The following GABRG3 variants were observed in gnomAD, a reference collection of about 807,000 sequenced individuals.
The protein encoded by GABRG3 is gamma-aminobutyric acid receptor subunit gamma-3.
In GABRG3, 25 loss-of-function variants were observed where a neutral mutation model predicts 48.8. That is an observed-to-expected ratio of 0.51 (90% CI 0.37 to 0.72). GABRG3 has a LOEUF of 0.72. Ranked by LOEUF, GABRG3 falls within the 30% of genes least tolerant of loss-of-function variation. GABRG3 has a pLI of 0.00. For missense variants in GABRG3, 394 were observed against 577.9 expected, an observed-to-expected ratio of 0.68 and a Z score of 3.26; for synonymous variants, 227 against 217.6, an observed-to-expected ratio of 1.04 and a Z score of -0.38.
chr15:27,022,673 C>T (rs958540392), intron 2 of GABRG3, among the ~76,000 whole-genome samples: 4 of 152,166 alleles, frequency 2.6e-5, no homozygotes, highest in Non-Finnish European at 5.9e-5. Context: ...GTTTTTGGTA[C>T]GTGGCTCTAG....
At chr15:27,466,464 G>A (rs543518572) in intron 5 of GABRG3, among the ~76,000 whole-genome samples, 1 of 121,288 alleles carries the variant, frequency 8.2e-6, no homozygotes, top group East Asian at 2.7e-4. Context: ...TTCCAAAGCA[G>A]AACTTATTTC....
chr15:27,020,131 G>A (rs1222499169), intron 2 of GABRG3, among the ~76,000 whole-genome samples: 1 of 152,122 alleles, frequency 6.6e-6, no homozygotes, highest in Admixed American at 6.5e-5. Flanking sequence ...GAGGCACAGA[G>A]ATCTGAAGAA....
At chr15:27,233,954 G>C (rs1889880106) in intron 3 of GABRG3, among the ~76,000 whole-genome samples, 1 of 152,098 alleles carries the variant, frequency 6.6e-6, no homozygotes, top group Non-Finnish European at 1.5e-5. Context: ...TTTACAATAT[G>C]ACATTTTTTC....
chr15:27,511,546 T>A (rs1890895039), intron 6 of GABRG3, among the ~76,000 whole-genome samples: 1 of 152,198 alleles, frequency 6.6e-6, no homozygotes, highest in Admixed American at 6.5e-5. Flanking sequence ...CACACTGATA[T>A]ACTGCTCAAC....
At chr15:26,994,468 G>A (rs1263407239) in intron 2 of GABRG3, among the ~76,000 whole-genome samples, 1 of 151,764 alleles carries the variant, frequency 6.6e-6, no homozygotes, top group Non-Finnish European at 1.5e-5. Context: ...GCATGCAAAA[G>A]GAAAACTAAT....
At chr15:27,252,258 A>T (rs1370191019) in intron 3 of GABRG3, among the ~76,000 whole-genome samples, 2 of 152,122 alleles carry the variant, frequency 1.3e-5, no homozygotes, top group African/African-American at 4.8e-5. Flanking sequence ...CTCTGTGTCC[A>T]TGATGCCCTG....
At chr15:27,358,731 A>G (rs1158070125) in intron 5 of GABRG3, among the ~76,000 whole-genome samples, 1 of 152,214 alleles carries the variant, frequency 6.6e-6, no homozygotes, top group Non-Finnish European at 1.5e-5. Flanking sequence ...GATGCGTTCC[A>G]TATTCAAACA....
intron 5 of GABRG3, among the ~76,000 whole-genome samples, chr15:27,453,055 C>T (rs1032537982): frequency 2.0e-5 from 3 of 152,192 alleles, no homozygotes; most frequent in Non-Finnish European, 4.4e-5. Flanking sequence ...ACAAATATTG[C>T]ATGACCTCAT....
chr15:27,053,665 A>G (rs1451012220), intron 3 of GABRG3, among the ~76,000 whole-genome samples: 2 of 152,222 alleles, frequency 1.3e-5, no homozygotes, highest in Non-Finnish European at 2.9e-5. Context: ...AAAACGACAT[A>G]TGCACTTGTA....
chr15:27,242,880 A>G (rs1890167721), intron 3 of GABRG3, among the ~76,000 whole-genome samples: 2 of 152,244 alleles, frequency 1.3e-5, no homozygotes, highest in Admixed American at 1.3e-4. Context: ...TGGCACATAA[A>G]TATTGGTTGG....
At chr15:27,041,983 T>C (rs2140700081) in intron 3 of GABRG3, among the ~76,000 whole-genome samples, 1 of 152,190 alleles carries the variant, frequency 6.6e-6, no homozygotes, top group East Asian at 1.9e-4. Flanking sequence ...AACATTCCTG[T>C]TCTACGTGCA....
At position 27,031,840 on chromosome 15, in the gene GABRG3, C is replaced by T. The variant is rs137963066; in HGVS notation, c.270+5019C>T. Among the ~76,000 whole-genome samples the T allele has an allele frequency of 3.3e-5, 5 of 152,238 alleles. 1 individual carries two copies. The East Asian group carries it at 9.6e-4, about 29-fold the overall frequency. On this transcript the variant is annotated intron_variant, in intron 3 of 9. Coordinates refer to ENST00000615808, the MANE Select transcript of GABRG3 (RefSeq NM_033223.5). The stretch of plus-strand genomic sequence containing the variant: ...TGGAACTCTTTTGGAGTCATCTAAG[C>T]TCAGGAAAGTTTAAAATAAGTGACA...
At chr15:27,271,794 G>A (rs1335887680) in intron 3 of GABRG3, among the ~76,000 whole-genome samples, 2 of 152,194 alleles carry the variant, frequency 1.3e-5, no homozygotes, top group Non-Finnish European at 2.9e-5. Flanking sequence ...GTGATGGGGA[G>A]GTCTGGAGGA....
rs1894637488 is a variant in GABRG3 at position 27,352,088 on chromosome 15, G to A, written c.574+23200G>A. Among the ~76,000 whole-genome samples, 1 of 150,854 alleles carries A rather than the reference G, an allele frequency of 6.6e-6. No individual in the cohort carries two copies. The highest frequency in any genetic ancestry group is 6.6e-5 in the Admixed American group (1 of 15,150). ...TCGTGTGTGTGTGTATGGTGCATGT[G>A]TGTGTATGATGTGTGTATGTATGGT... On this transcript the variant is annotated intron_variant, in intron 5 of 9. Transcript: ENST00000615808. The surrounding 1 kb of genome is among the most constrained non-coding windows in gnomAD (Gnocchi z 4.0).
intron 9 of GABRG3, among the ~76,000 whole-genome samples, chr15:27,528,238 C>G (rs1450023883): frequency 1.3e-5 from 2 of 152,178 alleles, no homozygotes; most frequent in African/African-American, 2.4e-5. Flanking sequence ...AGTTCTGACT[C>G]TTTTAGCCAT....
At chr15:26,993,393 G>A (rs914366388) in intron 2 of GABRG3, among the ~76,000 whole-genome samples, 2 of 151,790 alleles carry the variant, frequency 1.3e-5, no homozygotes, top group Non-Finnish European at 2.9e-5. Context: ...ATAGACTTTG[G>A]TATGTTGTGT....
chr15:27,038,622 C>T (rs1003380246), intron 3 of GABRG3, among the ~76,000 whole-genome samples: 6 of 152,166 alleles, frequency 3.9e-5, no homozygotes, highest in Non-Finnish European at 7.3e-5. Flanking sequence ...CAGACTGTGT[C>T]GATATCTTTC....
At chr15:27,153,205 C>A (rs2140397880) in intron 3 of GABRG3, among the ~76,000 whole-genome samples, 1 of 152,296 alleles carries the variant, frequency 6.6e-6, no homozygotes, top group East Asian at 1.9e-4. Flanking sequence ...TCAAGGTTCA[C>A]ATTTTTGCTT....
chr15:27,265,179 T>G (rs1595622999), intron 3 of GABRG3, among the ~76,000 whole-genome samples: 1 of 152,262 alleles, frequency 6.6e-6, no homozygotes, highest in Middle Eastern at 3.4e-3. Flanking sequence ...CCACTCTCCC[T>G]AATTGCCAAT....
Sources: allele counts gnomAD v4.1 joint callset (sites outside exome capture counted in the v4.1 genomes callset), GRCh38; gene constraint gnomAD v4.1.1; non-coding constraint Gnocchi (gnomAD v3.1); transcripts MANE v1.5; gene names NCBI Gene and HGNC (gene_info 2026-07-23, HGNC 2026-07-21).